RBFOX3: variants seen among roughly 807,000 people sequenced by gnomAD.
RBFOX3 encodes the protein RNA binding fox-1 homolog 3, also known as RNA binding protein fox-1 homolog 3.
RBFOX3 carries 17 observed loss-of-function variants against 48.7 expected under a neutral mutation model. The ratio of observed to expected loss-of-function variants is 0.35; its 90% CI spans 0.24 to 0.52. RBFOX3 has a LOEUF of 0.52. Among genes scored for constraint, RBFOX3 ranks in the 20% least tolerant of loss-of-function variants. The probability of loss-of-function intolerance (pLI) is 0.94; values close to 1 mark genes in which losing one functional copy is unlikely to be tolerated. For synonymous variants in RBFOX3, 212 were observed against 209.5 expected (o/e 1.01, Z -0.10); for missense variants, 382 against 497.5 (o/e 0.77, Z 2.21).
intron 4 of RBFOX3, among the ~76,000 whole-genome samples, chr17:79,147,602 G>A (rs1273205818): frequency 4.6e-5 from 7 of 152,208 alleles, no homozygotes; most frequent in Non-Finnish European, 1.5e-5. Context: ...GGCCATGGCT[G>A]TCCCCTGCCC....
intron 3 of RBFOX3, among the ~76,000 whole-genome samples, chr17:79,267,037 G>A (rs2066825422): frequency 6.6e-6 from 1 of 152,192 alleles, no homozygotes; most frequent in African/African-American, 2.4e-5. Context: ...TGGTCAGAAG[G>A]TGGGTCCTGA....
intron 2 of RBFOX3, among the ~76,000 whole-genome samples, chr17:79,321,254 G>A (rs1168192552): frequency 1.3e-5 from 2 of 152,214 alleles, no homozygotes; most frequent in Non-Finnish European, 2.9e-5. Flanking sequence ...CAGTGATGCT[G>A]GGGTCTCTAC....
chr17:79,480,680 T>C lies in RBFOX3; in HGVS notation c.-175+1774A>G, dbSNP rs1598880085. Among the ~76,000 whole-genome samples, 2 of 152,234 alleles carry C rather than the reference T, an allele frequency of 1.3e-5. No homozygotes were observed. Among genetic ancestry groups the C allele is most frequent in the South Asian group, 2.1e-4 (1 of 4,808 alleles). The stretch of plus-strand genomic sequence containing the variant: ...GCGCCTTGGCACTGGCCATTCCCTC[T>C]GTCTGGAACACTCTCCCCTCAGACA... On this transcript the variant is annotated intron_variant, in intron 2 of 14. Coordinates refer to ENST00000693108, the MANE Select transcript of RBFOX3 (RefSeq NM_001350451.2). The surrounding 1 kb of genome is among the most constrained non-coding windows in gnomAD (Gnocchi z 4.8).
intron 2 of RBFOX3, among the ~76,000 whole-genome samples, chr17:79,331,394 T>C (rs1054722880): frequency 1.3e-5 from 2 of 152,194 alleles, no homozygotes; most frequent in Non-Finnish European, 1.5e-5. Flanking sequence ...AGCCCCTTCC[T>C]GCCTCCAAAG....
chr17:79,659,374 G>C, the RBFOX3 span, among the ~76,000 whole-genome samples: 1 of 152,198 alleles, frequency 6.6e-6, no homozygotes, highest in African/African-American at 2.4e-5. Flanking sequence ...GATAGGGCAG[G>C]GAAGGTTGCT....
intron 2 of RBFOX3, among the ~76,000 whole-genome samples, chr17:79,419,508 C>T (rs1389655486): frequency 6.6e-6 from 1 of 152,326 alleles, no homozygotes; most frequent in Non-Finnish European, 1.5e-5. Flanking sequence ...TGTACACACA[C>T]GTGTGCACAA....
chr17:79,604,351 G>A (rs2093779115), intron 1 of RBFOX3, among the ~76,000 whole-genome samples: 1 of 152,224 alleles, frequency 6.6e-6, no homozygotes, highest in Non-Finnish European at 1.5e-5. Context: ...GGATCTCAAG[G>A]TGACGGGTAA....
At chr17:79,329,456 C>T (rs911967300) in intron 2 of RBFOX3, among the ~76,000 whole-genome samples, 14 of 152,178 alleles carry the variant, frequency 9.2e-5, no homozygotes, top group Non-Finnish European at 1.5e-5. Flanking sequence ...CCCACCGTAG[C>T]AGTTCCTGCT....
chr17:79,105,932 A>G (rs1041380121), intron 6 of RBFOX3, among the ~76,000 whole-genome samples: 1 of 152,182 alleles, frequency 6.6e-6, no homozygotes, highest in African/African-American at 2.4e-5. Flanking sequence ...AGCCCCCTGC[A>G]GGCATCAACA....
chr17:79,620,548 T>C, the RBFOX3 span, among the ~76,000 whole-genome samples: 16,648 of 136,842 alleles, frequency 0.12, 2,246 homozygotes, highest in East Asian at 0.31. Context: ...CACACACGCA[T>C]GCACACATGT....
At chr17:79,293,123 G>A (rs974459659) in intron 3 of RBFOX3, among the ~76,000 whole-genome samples, 5 of 152,160 alleles carry the variant, frequency 3.3e-5, no homozygotes, top group Admixed American at 6.5e-5. Context: ...CCACTTAAAA[G>A]TATGGCCTCA....
intron 1 of RBFOX3, among the ~76,000 whole-genome samples, chr17:79,542,078 C>T (rs188552926): frequency 2.0e-5 from 3 of 151,892 alleles, no homozygotes; most frequent in East Asian, 1.9e-4. Flanking sequence ...TGCAACACTC[C>T]GAGACCTCTA....
At chr17:79,102,958 G>A (rs1295034047) in intron 8 of RBFOX3, among the ~76,000 whole-genome samples, 3 of 152,108 alleles carry the variant, frequency 2.0e-5, no homozygotes, top group Non-Finnish European at 2.9e-5. Context: ...AGGGGACCTC[G>A]GGTGAGCCTG....
At chr17:79,520,929 G>A (rs1215770267) in intron 1 of RBFOX3, among the ~76,000 whole-genome samples, 1 of 152,242 alleles carries the variant, frequency 6.6e-6, no homozygotes, top group Non-Finnish European at 1.5e-5. Flanking sequence ...ATGCAACTGG[G>A]AGGCCCTTGT....
rs931722450 is a variant in RBFOX3, at chr17:79,512,290, G to A, written c.-319-29692C>T. Among the ~76,000 whole-genome samples, 19 of 133,416 alleles carry A rather than the reference G, an allele frequency of 1.4e-4. 1 individual carries two copies. Among genetic ancestry groups the A allele is most frequent in the Middle Eastern group, 7.9e-3 (1 of 126 alleles). The allele number at this position is 133,416 out of a possible 152,430, so 87.5% of individuals were successfully genotyped here. A position where few individuals can be genotyped will look rare whatever the true frequency, so the allele number is the denominator to read the frequency against. On this transcript the variant is annotated intron_variant, in intron 1 of 14. Transcript: ENST00000693108. The stretch of plus-strand genomic sequence containing the variant: ...ATACACCCGGATACATATTACCATC[G>A]GGTACAGCCCCATGGCCAGGGAACA...
At chr17:79,144,397 AC>A (rs2042590658) in intron 4 of RBFOX3, among the ~76,000 whole-genome samples, 1 of 152,082 alleles carries the variant, frequency 6.6e-6, no homozygotes, top group Non-Finnish European at 1.5e-5. Context: ...GCGTCACATG[AC>A]CCCCAGCTTC....
chr17:79,592,284 G>C (rs937142351), intron 1 of RBFOX3, among the ~76,000 whole-genome samples: 3 of 150,514 alleles, frequency 2.0e-5, no homozygotes, highest in Non-Finnish European at 4.4e-5. Flanking sequence ...GGGGGGTGTG[G>C]AATATTGTTG....
Position 79,162,667 on chromosome 17 carries a change from T to C in RBFOX3, c.-33-46919A>G, listed in dbSNP as rs557534193. ...ATGGAGAGGAAGGAGCTGTGGAAAA[T>C]TGACCCCTCGATCTCCTAAGGACTA... On this transcript the variant is annotated intron_variant, in intron 4 of 14. Coordinates refer to ENST00000693108, the MANE Select transcript of RBFOX3 (RefSeq NM_001350451.2). Among the ~76,000 whole-genome samples, 16 of 152,260 alleles carry C rather than the reference T, an allele frequency of 1.1e-4. 1 individual carries two copies. The highest frequency in any genetic ancestry group is 4.1e-4 in the South Asian group (2 of 4,820).
the RBFOX3 span, among the ~76,000 whole-genome samples, chr17:79,643,209 CAG>C: frequency 6.6e-6 from 1 of 152,052 alleles, no homozygotes; most frequent in Non-Finnish European, 1.5e-5. Context: ...TGGATATTAA[CAG>C]AAATAAAGAG....
Sources: gnomAD v4.1 joint callset for allele counts (sites outside exome capture counted in the v4.1 genomes callset) on GRCh38, gnomAD v4.1.1 for gene constraint, Gnocchi (gnomAD v3.1) non-coding constraint, MANE v1.5 for transcripts, NCBI Gene and HGNC (gene_info 2026-07-23, HGNC 2026-07-21) for gene names.